PTGER3: variants seen among roughly 807,000 people sequenced by gnomAD.
PTGER3 encodes prostaglandin E2 receptor EP3 subtype.
A neutral mutation model predicts 34.7 loss-of-function variants in PTGER3; 22 were observed. That is an observed-to-expected ratio of 0.63 (90% CI 0.45 to 0.91). The LOEUF (loss-of-function observed/expected upper bound fraction) is 0.91, where lower values mean the gene tolerates loss of function less well. Among genes scored for constraint, PTGER3 ranks in the 40% least tolerant of loss-of-function variants. The probability of loss-of-function intolerance (pLI) is 0.00; values close to 1 mark genes in which losing one functional copy is unlikely to be tolerated. For synonymous variants in PTGER3, 241 were observed against 230.1 expected (o/e 1.05, Z -0.43); for missense variants, 468 against 519.4 (o/e 0.90, Z 0.96).
chr1:70,858,857 CT>C (rs1214399264), intron 4 of PTGER3, among the ~76,000 whole-genome samples: 2 of 152,154 alleles, frequency 1.3e-5, no homozygotes, highest in Non-Finnish European at 2.9e-5. Flanking sequence ...AGTAAAATTA[CT>C]TTTATTTATT....
chr1:70,940,210 C>A (rs1240997969), intron 4 of PTGER3, among the ~76,000 whole-genome samples: 1 of 152,174 alleles, frequency 6.6e-6, no homozygotes, highest in African/African-American at 2.4e-5. Context: ...ACTCCATTTC[C>A]CAACAACTTC....
chr1:71,013,301 C>T (rs74087165), intron 1 of PTGER3, among the ~76,000 whole-genome samples: 2,058 of 151,616 alleles, frequency 0.014, 57 homozygotes, highest in African/African-American at 0.047. Context: ...TGTATTTGTG[C>T]GAGAACAAAT....
At chr1:71,046,280 C>T (rs1348093339) in intron 1 of PTGER3, among the ~76,000 whole-genome samples, 3 of 88,678 alleles carry the variant, frequency 3.4e-5, no homozygotes, top group African/African-American at 1.4e-4. Context: ...AGCGAGACTC[C>T]GTCTCAAAAA....
chr1:70,928,172 CAT>C (rs201933031), intron 4 of PTGER3, among the ~76,000 whole-genome samples: 11,436 of 145,450 alleles, frequency 0.079, 630 homozygotes, highest in East Asian at 0.26. Flanking sequence ...TTTTTATAGA[CAT>C]ATATATTTAT....
At chr1:70,957,125 T>A (rs1376894471) in intron 2 of PTGER3, among the ~76,000 whole-genome samples, 1 of 152,238 alleles carries the variant, frequency 6.6e-6, no homozygotes, top group Admixed American at 6.5e-5. Context: ...GTGAGACAAC[T>A]ATTAACCTCT....
intron 1 of PTGER3, among the ~76,000 whole-genome samples, chr1:71,021,343 C>T (rs1171942764): frequency 1.3e-5 from 2 of 152,024 alleles, no homozygotes; most frequent in South Asian, 2.1e-4. Flanking sequence ...TAGCTCAAGA[C>T]GTATGTCTAG....
chr1:70,929,092 A>G (rs546602949), intron 4 of PTGER3, among the ~76,000 whole-genome samples: 41 of 152,264 alleles, frequency 2.7e-4, no homozygotes, highest in African/African-American at 8.7e-4. Context: ...CCTTGTGTGT[A>G]TTATTATCTT....
chr1:71,029,525 C>G (rs898858659), intron 1 of PTGER3, among the ~76,000 whole-genome samples: 72 of 152,132 alleles, frequency 4.7e-4, no homozygotes, highest in African/African-American at 1.6e-3. Flanking sequence ...ATAAAATAAG[C>G]ATTTGTCTAT....
chr1:71,006,132 T>C (rs1439006268), intron 2 of PTGER3: 3 of 966,266 alleles, frequency 3.1e-6, no homozygotes, highest in Non-Finnish European at 3.7e-6. Flanking sequence ...TATCTAGCTA[T>C]GATTTTTGTA....
chr1:70,867,723 T>C (rs1291612217), intron 4 of PTGER3, among the ~76,000 whole-genome samples: 1 of 150,922 alleles, frequency 6.6e-6, no homozygotes, highest in Non-Finnish European at 1.5e-5. Context: ...AGACTTCATC[T>C]AAAAAGAAAA....
intron 4 of PTGER3, among the ~76,000 whole-genome samples, chr1:70,867,799 T>C (rs1646074985): frequency 6.6e-6 from 1 of 152,026 alleles, no homozygotes; most frequent in Non-Finnish European, 1.5e-5. Context: ...CCAGGCTAGA[T>C]CTTAAGGAAG....
intron 4 of PTGER3, among the ~76,000 whole-genome samples, chr1:70,853,412 G>C (rs775953159): frequency 6.6e-6 from 1 of 152,272 alleles, no homozygotes; most frequent in East Asian, 1.9e-4. Flanking sequence ...TGAAGGAAAA[G>C]GGAGCAGAGG....
At chr1:70,970,559 T>C (rs776702343), downstream of PTGER3, among the ~76,000 whole-genome samples, 9 of 152,152 alleles carry the variant, frequency 5.9e-5, no homozygotes, top group Non-Finnish European at 1.3e-4. Context: ...AAACTTCTGA[T>C]ACCATATTTT....
chr1:71,038,802 T>C (rs969423118), intron 1 of PTGER3, among the ~76,000 whole-genome samples: 4 of 152,200 alleles, frequency 2.6e-5, no homozygotes, highest in Non-Finnish European at 2.9e-5. Context: ...TTAAGGCTTG[T>C]GTAAATTCAA....
chr1:70,889,013 G>A (rs534327376), intron 4 of PTGER3, among the ~76,000 whole-genome samples: 1 of 152,232 alleles, frequency 6.6e-6, no homozygotes, highest in South Asian at 2.1e-4. Context: ...AATTTATGTG[G>A]TGTTAAATAT....
downstream of PTGER3, among the ~76,000 whole-genome samples, chr1:70,951,834 C>G (rs538314557): frequency 6.6e-5 from 10 of 152,114 alleles, no homozygotes; most frequent in East Asian, 1.9e-3. Flanking sequence ...GACAGACAAA[C>G]AGAAACAAAT....
downstream of PTGER3, among the ~76,000 whole-genome samples, chr1:70,948,221 T>C (rs1650401543): frequency 6.6e-6 from 1 of 152,074 alleles, no homozygotes; most frequent in Non-Finnish European, 1.5e-5. Flanking sequence ...GAATTATACA[T>C]GGTAGGGACC....
At chr1:70,926,541 A>G (rs1210780489) in intron 4 of PTGER3, among the ~76,000 whole-genome samples, 1 of 152,140 alleles carries the variant, frequency 6.6e-6, no homozygotes, top group East Asian at 1.9e-4. Flanking sequence ...GTATCCTGAG[A>G]CTTTGCTGAA....
intron 4 of PTGER3, among the ~76,000 whole-genome samples, chr1:70,923,920 C>T (rs763314703): frequency 3.9e-5 from 6 of 152,162 alleles, no homozygotes; most frequent in Non-Finnish European, 8.8e-5. Context: ...TTTACCAAGG[C>T]TTTTACCTGA....
Sources: allele counts gnomAD v4.1 joint callset (sites outside exome capture counted in the v4.1 genomes callset), GRCh38; gene constraint gnomAD v4.1.1; transcripts MANE v1.5; gene names NCBI Gene and HGNC (gene_info 2026-07-23, HGNC 2026-07-21).